The following ERI3 variants were observed in gnomAD, a reference collection of about 807,000 sequenced individuals.
The protein encoded by ERI3 is ERI1 exoribonuclease family member 3, also known as ERI1 exoribonuclease 3.
Under a neutral mutation model 44.4 loss-of-function variants are expected in ERI3, and 18 were observed. The ratio of observed to expected loss-of-function variants is 0.41; its 90% confidence interval spans 0.28 to 0.60. The LOEUF is 0.60. ERI3 is among the 20% of genes least tolerant of loss of function. The pLI is 0.36. For missense variants in ERI3, 294 were observed against 435.5 expected, an observed-to-expected ratio of 0.68 and a Z score of 2.89; for synonymous variants, 183 against 164.8, an observed-to-expected ratio of 1.11 and a Z score of -0.84.
At chr1:44,295,862 A>C (rs1231646650) in intron 6 of ERI3, among the ~76,000 whole-genome samples, 3 of 152,136 alleles carry the variant, frequency 2.0e-5, no homozygotes, top group Admixed American at 6.5e-5. Context: ...GATGATGTTC[A>C]TCAGCTGAGC....
rs532406482 is a variant in ERI3 at position 44,299,076 on chromosome 1, T to G, written c.758+9234A>C. Among the ~76,000 whole-genome samples, 26 of 152,352 alleles carry G rather than the reference T, an allele frequency of 1.7e-4. No individual in the cohort carries two copies. In the South Asian group the frequency reaches 5.2e-3, roughly 30 times the overall value. ...TTTCTGGGATGATGAAAAAGGTTCT[T>G]GATCTTGACCTGGGTGGTAGTTACC... On this transcript the variant is annotated intron_variant, in intron 6 of 8. Coordinates refer to ENST00000372257, the MANE Select transcript of ERI3 (RefSeq NM_024066.3).
intron 6 of ERI3, among the ~76,000 whole-genome samples, chr1:44,289,072 A>G (rs202156538): frequency 1.1e-4 from 17 of 152,342 alleles, no homozygotes; most frequent in Admixed American, 3.3e-4. Context: ...TTGTTGCCCA[A>G]TGAAATTTTA....
chr1:44,330,152 C>T (rs993572302), intron 3 of ERI3, among the ~76,000 whole-genome samples: 2 of 152,216 alleles, frequency 1.3e-5, no homozygotes, highest in African/African-American at 4.8e-5. Flanking sequence ...CTTTTCCACT[C>T]AGTAATACAT....
intron 8 of ERI3, among the ~76,000 whole-genome samples, chr1:44,227,179 GT>G (rs1379981785): frequency 6.6e-6 from 1 of 152,212 alleles, no homozygotes; most frequent in African/African-American, 2.4e-5. Flanking sequence ...ACATCCTGAG[GT>G]CTGCTGGAGT....
rs1440137673 is a variant in ERI3, at chr1:44,355,249, C to T, written c.-223G>A. ...CAGCCAGCACCACGAGTCCACAACA[C>T]ACCGACTCACCTCCGCGCACTCTGA... On this transcript the variant is annotated 5_prime_UTR_variant, in exon 1 of 9. The change creates a new upstream start codon in the 5' untranslated region. Transcript: ENST00000372257. 43 of 1,168,956 alleles carry T rather than the reference C, an allele frequency of 3.7e-5. No homozygotes were observed. The East Asian group carries it at 1.5e-3, about 40-fold the overall frequency. 72.4% of individuals were successfully genotyped at this position (1,168,956 alleles called of 1,614,324 possible).
chr1:44,320,464 C>T (rs1646176492), intron 3 of ERI3, among the ~76,000 whole-genome samples: 1 of 152,124 alleles, frequency 6.6e-6, no homozygotes, highest in Non-Finnish European at 1.5e-5. Flanking sequence ...TAGAGATGCA[C>T]AGCACCAAGG....
intron 1 of ERI3, chr1:44,354,429 CTTT>C: frequency 1.0e-6 from 1 of 985,348 alleles, no homozygotes; most frequent in Non-Finnish European, 1.2e-6. Context: ...CAAGTTCATG[CTTT>C]TTTTAAGAAA....
chr1:44,257,477 T>C (rs1001099367), intron 7 of ERI3, among the ~76,000 whole-genome samples: 8 of 152,178 alleles, frequency 5.3e-5, no homozygotes, highest in Non-Finnish European at 8.8e-5. Context: ...TGCTGGTCCA[T>C]CTTGTGGTTC....
At chr1:44,276,970 G>A (rs1645191686) in intron 7 of ERI3, among the ~76,000 whole-genome samples, 1 of 152,102 alleles carries the variant, frequency 6.6e-6, no homozygotes, top group Admixed American at 6.5e-5. Flanking sequence ...ACCTCAACTG[G>A]ATCCTCAACA....
At chr1:44,297,494 T>G (rs2154326202) in intron 6 of ERI3, among the ~76,000 whole-genome samples, 1 of 152,018 alleles carries the variant, frequency 6.6e-6, no homozygotes, top group Non-Finnish European at 1.5e-5. Context: ...TTGGCATGGC[T>G]GGGGAATAAG....
intron 8 of ERI3, among the ~76,000 whole-genome samples, chr1:44,224,982 G>C (rs980368792): frequency 6.6e-6 from 1 of 152,150 alleles, no homozygotes; most frequent in African/African-American, 2.4e-5. Context: ...TAGAAAGTGA[G>C]GAAGCTTGGC....
At chr1:44,290,257 G>T (rs1557823320) in intron 6 of ERI3, among the ~76,000 whole-genome samples, 1 of 152,188 alleles carries the variant, frequency 6.6e-6, no homozygotes, top group East Asian at 1.9e-4. Context: ...TGCAGAAATG[G>T]GGGAGTATGG....
chr1:44,233,561 G>A (rs908888586), intron 8 of ERI3, among the ~76,000 whole-genome samples: 20 of 151,948 alleles, frequency 1.3e-4, no homozygotes, highest in African/African-American at 4.8e-4. Context: ...TTGCCACCAC[G>A]CCCAGCTAAT....
chr1:44,341,665 T>C (rs1646656180), intron 2 of ERI3, among the ~76,000 whole-genome samples: 1 of 152,182 alleles, frequency 6.6e-6, no homozygotes, highest in Non-Finnish European at 1.5e-5. Context: ...GGCAGAAGTA[T>C]TGCTTGAGCC....
At chr1:44,335,124 G>A (rs1330073818) in intron 3 of ERI3, among the ~76,000 whole-genome samples, 1 of 152,062 alleles carries the variant, frequency 6.6e-6, no homozygotes, top group Non-Finnish European at 1.5e-5. Context: ...AGTATCATTT[G>A]AACCCAGGAG....
At position 44,221,288 on chromosome 1, in the gene ERI3, C is replaced by G. The variant is rs1484443540; in HGVS notation, c.*270G>C. On this transcript the variant is annotated 3_prime_UTR_variant, in exon 9 of 9. Transcript: ENST00000372257. The surrounding 1 kb of genome is among the most constrained non-coding windows in gnomAD (Gnocchi z 5.9). Reference sequence around the variant, plus strand: ...GGAGGCGGTGAGTGCCTGGGTCCCCCTAGCCCAGGCCCGCAATGGGAGGGG... The same window carrying G: ...GGAGGCGGTGAGTGCCTGGGTCCCCGTAGCCCAGGCCCGCAATGGGAGGGG... 2.0e-6 allele frequency: 1 copy of G among 490,546 alleles called. No individual in the cohort carries two copies. The highest frequency in any genetic ancestry group is 3.7e-5 in the East Asian group (1 of 27,350). 30.4% of individuals were successfully genotyped at this position (490,546 alleles called of 1,614,324 possible).
chr1:44,283,436 C>T (rs1170916087), intron 7 of ERI3, among the ~76,000 whole-genome samples: 3 of 152,194 alleles, frequency 2.0e-5, no homozygotes, highest in East Asian at 1.9e-4. Context: ...AGACTGACTG[C>T]TGGGCTTCTC....
chr1:44,326,049 G>A (rs1646305670), intron 3 of ERI3, among the ~76,000 whole-genome samples: 1 of 152,196 alleles, frequency 6.6e-6, no homozygotes, highest in African/African-American at 2.4e-5. Flanking sequence ...ATAAGAGAAT[G>A]AGCAGATCAT....
intron 8 of ERI3, among the ~76,000 whole-genome samples, chr1:44,224,484 C>G (rs140556031): frequency 2.3e-4 from 35 of 152,240 alleles, no homozygotes; most frequent in Non-Finnish European, 4.1e-4. Context: ...GCATACCACA[C>G]AGCAAGGGCT....
Sources: gnomAD v4.1 joint callset for allele counts (sites outside exome capture counted in the v4.1 genomes callset) on GRCh38, gnomAD v4.1.1 for gene constraint, Gnocchi (gnomAD v3.1) non-coding constraint, MANE v1.5 for transcripts, NCBI Gene and HGNC (gene_info 2026-07-23, HGNC 2026-07-21) for gene names.